Variants in ITPR2 observed in about 807,000 individuals in gnomAD.
ITPR2 encodes inositol 1,4,5-trisphosphate-gated calcium channel ITPR2.
In ITPR2, 207 loss-of-function variants were observed where a neutral mutation model predicts 317.1. That is an observed-to-expected ratio of 0.65 (90% confidence interval 0.58 to 0.73). ITPR2 has a LOEUF of 0.73. Among genes scored for constraint, ITPR2 ranks in the 30% least tolerant of loss-of-function variants. The pLI, the probability that ITPR2 is intolerant of heterozygous loss-of-function variation, is 0.00. For synonymous variants in ITPR2, 1,156 were observed against 1,149.1 expected, an observed-to-expected ratio of 1.01 and a Z score of -0.12; for missense variants, 2,613 against 3,284.0, an observed-to-expected ratio of 0.80 and a Z score of 4.99.
chr12:26,821,301 C>T (rs1266780423), intron 1 of ITPR2, among the ~76,000 whole-genome samples: 1 of 152,180 alleles, frequency 6.6e-6, no homozygotes, highest in Non-Finnish European at 1.5e-5. Context: ...ACAGTGATTT[C>T]CCCGGTAGCC....
At position 26,432,714 on chromosome 12, in the gene ITPR2, C is replaced by CA. The variant is rs1194603487; in HGVS notation, c.6769+3506dup. Reference sequence around the variant, plus strand: ...AAGAGCTTTATCTTCCCACTATCAACATGAACTCCTGGATTCTTATTTTAT... The same window carrying CA: ...AAGAGCTTTATCTTCCCACTATCAACAATGAACTCCTGGATTCTTATTTTAT... On this transcript the variant is annotated intron_variant, in intron 48 of 56. Coordinates refer to ENST00000381340, the MANE Select transcript of ITPR2 (RefSeq NM_002223.4). Among the ~76,000 whole-genome samples, 3 of 151,578 alleles carry CA rather than the reference C, an allele frequency of 2.0e-5. 1 individual carries two copies. In the East Asian group the frequency reaches 5.8e-4, roughly 29 times the overall value.
Position 26,463,970 on chromosome 12 carries a change from C to T in ITPR2, c.6342+11326G>A, listed in dbSNP as rs540109380. ...GCATATTTTCCCTATGATGAAAATG[C>T]TTTTCTCGGTTTATCTAAATCTTAT... On this transcript the variant is annotated intron_variant, in intron 45 of 56. Transcript: ENST00000381340. Among the ~76,000 whole-genome samples the T allele has an allele frequency of 1.3e-3, 202 of 152,194 alleles. 3 individuals are homozygous for T. The highest frequency in any genetic ancestry group is 1.4e-3 in the Non-Finnish European group (93 of 68,000).
At chr12:26,660,813 A>C (rs974031113) in intron 15 of ITPR2, among the ~76,000 whole-genome samples, 6 of 152,160 alleles carry the variant, frequency 3.9e-5, no homozygotes, top group African/African-American at 1.4e-4. Flanking sequence ...GGTGGTATCA[A>C]ATTTTATAAA....
intron 52 of ITPR2, among the ~76,000 whole-genome samples, chr12:26,410,559 T>C (rs1001659907): frequency 1.3e-5 from 2 of 152,132 alleles, no homozygotes; most frequent in African/African-American, 4.8e-5. Context: ...CCCTTATCTG[T>C]CCTAAGTCTA....
rs1942600691 is a variant in ITPR2 at position 26,483,883 on chromosome 12, G to T, written c.5827C>A (p.Gln1943Lys). 6.2e-7 allele frequency: 1 copy of T among 1,613,870 alleles called. No individual in the cohort carries two copies. Among genetic ancestry groups the T allele is most frequent in the Non-Finnish European group, 8.5e-7 (1 of 1,179,920 alleles). Residue 1943 changes from glutamine (Q) to lysine (K), a missense_variant, in exon 42 of 57, where the codon CAA (glutamine) becomes AAA (lysine). Gln to Lys is a moderately conservative substitution (Grantham distance 53). Transcript: ENST00000381340. ...NRELQNFLRN[Q>K]NNKTNYNLVC... ...AGGTTGTAATTTGTTTTGTTGTTTTGATTCCTCAAGAAGTTCTGAAGGCAA... is the reference window on the plus strand; with the variant it reads ...AGGTTGTAATTTGTTTTGTTGTTTTTATTCCTCAAGAAGTTCTGAAGGCAA...
intron 2 of ITPR2, among the ~76,000 whole-genome samples, chr12:26,728,441 A>G (rs1948971640): frequency 6.6e-6 from 1 of 152,204 alleles, no homozygotes; most frequent in East Asian, 1.9e-4. Context: ...CCCTTTCAGC[A>G]GCCTCCCACA....
At chr12:26,801,310 G>A (rs1950552121) in intron 1 of ITPR2, 1 of 172,058 alleles carries the variant, frequency 5.8e-6, no homozygotes, top group Non-Finnish European at 1.3e-5. Context: ...AAAATTTGTT[G>A]GCAAATGATC....
chr12:26,799,243 A>T (rs147185608), intron 1 of ITPR2, among the ~76,000 whole-genome samples: 20 of 152,322 alleles, frequency 1.3e-4, no homozygotes, highest in South Asian at 2.1e-4. Flanking sequence ...CTATACCCAC[A>T]CATAAATTAC....
chr12:26,380,241 T>C lies in ITPR2; in HGVS notation c.7857+7193A>G, dbSNP rs1300988263. On this transcript the variant is annotated intron_variant, in intron 55 of 56. Coordinates refer to ENST00000381340, the MANE Select transcript of ITPR2 (RefSeq NM_002223.4). ...CTGTTAAGTACCTATTACTTCTGTC[T>C]CTGTTTCACAAACTAATAAGAGGAA... 2.6e-5 allele frequency among the ~76,000 whole-genome samples: 4 copies of C among 152,332 alleles called. No individual in the cohort carries two copies. In the East Asian group the frequency reaches 7.7e-4, roughly 29 times the overall value.
rs940510655 is a variant in ITPR2, at chr12:26,711,393, G to A, written c.856-125C>T. On this transcript the variant is annotated intron_variant, in intron 8 of 56. Transcript: ENST00000381340. ...TGTCAAACCTAATATATGTTTCCAT[G>A]AGAGCATAATGTGGCAGAAAAACAA... 3 of 679,642 alleles carry A rather than the reference G, an allele frequency of 4.4e-6. No individual in the cohort carries two copies. The African/African-American group carries it at 5.4e-5, about 12-fold the overall frequency. 42.1% of individuals were successfully genotyped at this position (679,642 alleles called of 1,614,324 possible). A position where few individuals can be genotyped will look rare whatever the true frequency, so the allele number is the denominator to read the frequency against.
chr12:26,692,567 T>C (rs973664241), intron 10 of ITPR2, among the ~76,000 whole-genome samples: 1 of 152,148 alleles, frequency 6.6e-6, no homozygotes, highest in Admixed American at 6.6e-5. Flanking sequence ...CTAATGACTG[T>C]CAGGTTCCCA....
chr12:26,712,090 A>G (rs1565710976), intron 8 of ITPR2, among the ~76,000 whole-genome samples: 1 of 152,180 alleles, frequency 6.6e-6, no homozygotes, highest in Non-Finnish European at 1.5e-5. Context: ...TTACACTCCA[A>G]TTCAGGCATG....
chr12:26,361,596 T>C (rs998576638), intron 55 of ITPR2, among the ~76,000 whole-genome samples: 2 of 152,222 alleles, frequency 1.3e-5, no homozygotes, highest in Non-Finnish European at 2.9e-5. Context: ...CAGGTGGCTT[T>C]AGGGTAACGT....
In ITPR2 at chr12:26,336,942, A is replaced by C. The variant is rs1591942911; in HGVS notation, c.*2455T>G. The C allele has an allele frequency of 6.6e-6, 1 of 150,984 alleles. No homozygotes were observed. Among genetic ancestry groups the C allele is most frequent in the Non-Finnish European group, 1.5e-5 (1 of 67,846 alleles). 9.4% of individuals were successfully genotyped at this position (150,984 alleles called of 1,614,324 possible). A position where few individuals can be genotyped will look rare whatever the true frequency, so the allele number is the denominator to read the frequency against. ...TCTTCATTAGGAATTTGATGTTCTGAAAAGTGCCTTTTTTGTCTGCTTCGA... is the reference window on the plus strand; with the variant it reads ...TCTTCATTAGGAATTTGATGTTCTGCAAAGTGCCTTTTTTGTCTGCTTCGA... On this transcript the variant is annotated 3_prime_UTR_variant, in exon 57 of 57. Coordinates refer to ENST00000381340, the MANE Select transcript of ITPR2 (RefSeq NM_002223.4).
intron 52 of ITPR2, among the ~76,000 whole-genome samples, chr12:26,409,603 A>G (rs1030435154): frequency 6.7e-6 from 1 of 149,862 alleles, no homozygotes; most frequent in African/African-American, 2.5e-5. Flanking sequence ...GTTTTTCTTG[A>G]AAAAAAAAAT....
chr12:26,346,172 G>T (rs74899400), intron 55 of ITPR2, among the ~76,000 whole-genome samples: 9,755 of 152,246 alleles, frequency 0.064, 434 homozygotes, highest in Non-Finnish European at 0.094. Context: ...ATGTCCCTGA[G>T]AAGTCCCTTT....
chr12:26,573,720 G>A (rs1446197002), intron 34 of ITPR2, among the ~76,000 whole-genome samples: 1 of 152,198 alleles, frequency 6.6e-6, no homozygotes, highest in Non-Finnish European at 1.5e-5. Flanking sequence ...ATGTCCTCAG[G>A]TGAGGAAATG....
At chr12:26,819,449 ATTC>A (rs1950906503) in intron 1 of ITPR2, among the ~76,000 whole-genome samples, 1 of 152,238 alleles carries the variant, frequency 6.6e-6, no homozygotes, top group Admixed American at 6.5e-5. Context: ...CCAAACACTT[ATTC>A]TTGAATTTTA....
At chr12:26,615,769 C>G (rs1274900380) in intron 26 of ITPR2, among the ~76,000 whole-genome samples, 1 of 152,112 alleles carries the variant, frequency 6.6e-6, no homozygotes, top group Non-Finnish European at 1.5e-5. Context: ...GGAGTAAAAA[C>G]TAATAGAAAT....
Sources: gnomAD v4.1 joint callset for allele counts (sites outside exome capture counted in the v4.1 genomes callset) on GRCh38, gnomAD v4.1.1 for gene constraint, MANE v1.5 for transcripts, NCBI Gene and HGNC (gene_info 2026-07-23, HGNC 2026-07-21) for gene names.